Variants in DOCK4 observed in about 807,000 individuals in gnomAD.
The protein encoded by DOCK4 is dedicator of cytokinesis protein 4.
DOCK4 carries 97 observed loss-of-function variants against 268.1 expected under a neutral mutation model. That is an observed-to-expected ratio of 0.36 (90% confidence interval 0.31 to 0.43). The LOEUF is 0.43. DOCK4 is among the 20% of genes least tolerant of loss of function. The pLI, the probability that DOCK4 is intolerant of heterozygous loss-of-function variation, is 1.00. For missense variants in DOCK4, 2,145 were observed against 2,455.7 expected (o/e 0.87, Z 2.67); for synonymous variants, 954 against 887.2 (o/e 1.08, Z -1.34).
At position 111,895,589 on chromosome 7, in the gene DOCK4, C is replaced by T. The variant is rs371340925; in HGVS notation, c.1587+23G>A. ...TTCAGCACTGTTTTTTACTGCCCAT[C>T]GCCACCATCTGACTGATGTTACCTT... On this transcript the variant is annotated intron_variant, in intron 16 of 52. Transcript: ENST00000428084. 175 of 1,603,410 alleles carry T rather than the reference C, an allele frequency of 1.1e-4. 1 individual carries two copies. The African/African-American group carries it at 1.8e-3, about 16-fold the overall frequency.
chr7:111,897,564 A>C (rs1411014988), intron 15 of DOCK4, among the ~76,000 whole-genome samples: 1 of 151,420 alleles, frequency 6.6e-6, no homozygotes, highest in Non-Finnish European at 1.5e-5. Context: ...GAGAGTGCAC[A>C]TCTCTCCCCA....
At chr7:111,960,171 C>A (rs986738814) in intron 8 of DOCK4, among the ~76,000 whole-genome samples, 1 of 151,784 alleles carries the variant, frequency 6.6e-6, no homozygotes, top group Non-Finnish European at 1.5e-5. Flanking sequence ...GGAGACAATC[C>A]TGGCTAACAC....
At chr7:111,795,337 T>C (rs990526398) in intron 30 of DOCK4, among the ~76,000 whole-genome samples, 16 of 152,128 alleles carry the variant, frequency 1.1e-4, no homozygotes, top group African/African-American at 3.6e-4. Context: ...GCTTCATCCC[T>C]GGCCCCAGGG....
At chr7:111,809,134 A>G (rs1044933497) in intron 29 of DOCK4, among the ~76,000 whole-genome samples, 167 bp downstream of exon 29, 2 of 152,210 alleles carry the variant, frequency 1.3e-5, no homozygotes, top group Non-Finnish European at 2.9e-5. Context: ...CAATGTGCAA[A>G]CATGTTTGAA....
rs183500701 is a variant in DOCK4 at position 111,994,746 on chromosome 7, A to G, written c.219-515T>C. On this transcript the variant is annotated intron_variant, in intron 4 of 52. Transcript: ENST00000428084. ...AATTGAACACTCTCTTGATCTCGGT[A>G]ACACTTAATTTTTATTATTTGCAAA... Among the ~76,000 whole-genome samples, 10 of 152,298 alleles carry G rather than the reference A, an allele frequency of 6.6e-5. No homozygotes were observed. The East Asian group carries it at 1.9e-3, about 29-fold the overall frequency.
intron 1 of DOCK4, among the ~76,000 whole-genome samples, chr7:112,048,924 C>A (rs1563032106): frequency 2.0e-5 from 3 of 152,096 alleles, no homozygotes; most frequent in Non-Finnish European, 1.5e-5. Flanking sequence ...TCCTGATGAT[C>A]TCCCTCCCCC....
At chr7:112,010,733 C>T (rs1801221382) in intron 1 of DOCK4, among the ~76,000 whole-genome samples, 1 of 152,194 alleles carries the variant, frequency 6.6e-6, no homozygotes, top group Non-Finnish European at 1.5e-5. Context: ...TTATCACGGT[C>T]AGCCTTTGAG....
intron 26 of DOCK4, among the ~76,000 whole-genome samples, chr7:111,833,437 G>A (rs1371565333): frequency 1.3e-5 from 2 of 152,030 alleles, no homozygotes; most frequent in Non-Finnish European, 2.9e-5. Context: ...ACAGCTACTT[G>A]GGAAGCAGAG....
Position 111,735,143 on chromosome 7 carries a change from C to T in DOCK4, c.5330G>A (p.Trp1777Ter), listed in dbSNP as rs1461768821. ...EKAVNPTPSSWSLDSGKEAKN... is the reference protein window; with the variant it reads ...EKAVNPTPSS ...GGCTTCCTTCCCACTGTCCAGGCTCCAGCTGCTAGGGGTGGGGTTCACAGC... is the reference window on the plus strand; with the variant it reads ...GGCTTCCTTCCCACTGTCCAGGCTCTAGCTGCTAGGGGTGGGGTTCACAGC... Residue 1777 changes from tryptophan to a stop codon, truncating the protein, a stop_gained, in exon 51 of 53, where the codon TGG becomes TAG. Coordinates refer to ENST00000428084, the MANE Select transcript of DOCK4 (RefSeq NM_001363540.2). LOFTEE classifies it high-confidence loss of function. 5 of 1,594,514 alleles carry T rather than the reference C, an allele frequency of 3.1e-6. No individual in the cohort carries two copies. Among genetic ancestry groups the T allele is most frequent in the African/African-American group, 1.3e-5 (1 of 74,688 alleles).
intron 12 of DOCK4, among the ~76,000 whole-genome samples, chr7:111,917,071 T>C (rs1047559338): frequency 2.2e-5 from 3 of 133,950 alleles, no homozygotes; most frequent in Non-Finnish European, 4.6e-5. Context: ...CACTGCAACC[T>C]CCGCCTCCCG....
chr7:112,039,159 T>C (rs985744927), intron 1 of DOCK4, among the ~76,000 whole-genome samples: 1 of 152,186 alleles, frequency 6.6e-6, no homozygotes, highest in Non-Finnish European at 1.5e-5. Flanking sequence ...AGAATCATCA[T>C]CCATATTTCA....
At chr7:111,827,131 A>G (rs1802465785) in intron 26 of DOCK4, among the ~76,000 whole-genome samples, 1 of 152,200 alleles carries the variant, frequency 6.6e-6, no homozygotes, top group African/African-American at 2.4e-5. Context: ...CATAAATTTC[A>G]AACGTATAAT....
intron 8 of DOCK4, among the ~76,000 whole-genome samples, chr7:111,963,224 C>A (rs893298582): frequency 3.9e-5 from 6 of 151,958 alleles, no homozygotes; most frequent in Non-Finnish European, 7.4e-5. Flanking sequence ...CGAATAGGAA[C>A]AGCTCCGGAC....
intron 1 of DOCK4, among the ~76,000 whole-genome samples, chr7:112,005,635 T>A (rs1030844603): frequency 6.6e-6 from 1 of 152,230 alleles, no homozygotes; most frequent in Non-Finnish European, 1.5e-5. Context: ...GTAGATTGAC[T>A]GCAATTTAAA....
At chr7:112,093,026 T>A (rs1027799888) in intron 1 of DOCK4, among the ~76,000 whole-genome samples, 2 of 152,176 alleles carry the variant, frequency 1.3e-5, no homozygotes, top group African/African-American at 2.4e-5. Flanking sequence ...CTCTCTCATA[T>A]GGGCATCATT....
intron 1 of DOCK4, among the ~76,000 whole-genome samples, chr7:112,195,870 A>G (rs1820375681): frequency 6.6e-6 from 1 of 152,172 alleles, no homozygotes; most frequent in South Asian, 2.1e-4. Flanking sequence ...AACCAGGAAA[A>G]CTTACAAATT....
chr7:111,735,787 T>TGGTTGTA (rs1445812140), intron 50 of DOCK4, among the ~76,000 whole-genome samples: 8 of 152,244 alleles, frequency 5.3e-5, no homozygotes, highest in Non-Finnish European at 2.9e-5. Context: ...CAGGACACGC[T>TGGTTGTA]GGTTGTAAAT....
intron 41 of DOCK4, among the ~76,000 whole-genome samples, chr7:111,757,406 C>A (rs1797102252): frequency 6.6e-6 from 1 of 152,126 alleles, no homozygotes; most frequent in Non-Finnish European, 1.5e-5. Context: ...TGCCTGATTT[C>A]AGTGATTTCT....
At chr7:111,738,243 G>A (rs3801788) in intron 49 of DOCK4, among the ~76,000 whole-genome samples, 42,183 of 152,088 alleles carry the variant, frequency 0.28, 6,817 homozygotes, top group East Asian at 0.56. Context: ...GTTCAGGCAG[G>A]GGGTGAGGGC....
Sources: gnomAD v4.1 joint callset for allele counts (sites outside exome capture counted in the v4.1 genomes callset) on GRCh38, gnomAD v4.1.1 for gene constraint, MANE v1.5 for transcripts, NCBI Gene and HGNC (gene_info 2026-07-23, HGNC 2026-07-21) for gene names.